Variants in TRPM8 observed in about 807,000 individuals in gnomAD.
The protein encoded by TRPM8 is transient receptor potential cation channel subfamily M member 8.
TRPM8 carries 110 observed loss-of-function variants against 133.7 expected under a neutral mutation model. The observed-to-expected ratio is 0.82, with a 90% CI of 0.70 to 0.96. The LOEUF is 0.96. TRPM8 is among the 40% of genes least tolerant of loss of function. The pLI, the probability that TRPM8 is intolerant of heterozygous loss-of-function variation, is 0.00. For missense variants in TRPM8, 1,291 were observed against 1,379.5 expected, an observed-to-expected ratio of 0.94 and a Z score of 1.02; for synonymous variants, 535 against 532.3, an observed-to-expected ratio of 1.01 and a Z score of -0.07.
intron 1 of TRPM8, among the ~76,000 whole-genome samples, chr2:233,918,432 T>A (rs1021680985): frequency 6.6e-6 from 1 of 152,122 alleles, no homozygotes; most frequent in South Asian, 2.1e-4. Flanking sequence ...CTGATATCAT[T>A]CTTGGCACCT....
At chr2:234,012,002 A>G (rs1346971628) in intron 24 of TRPM8, among the ~76,000 whole-genome samples, 1 of 151,590 alleles carries the variant, frequency 6.6e-6, no homozygotes, top group African/African-American at 2.4e-5. Flanking sequence ...TAAATTTGTA[A>G]GAATTTTATT....
At chr2:234,015,238 G>A (rs540918737) in intron 25 of TRPM8, among the ~76,000 whole-genome samples, 12 of 152,086 alleles carry the variant, frequency 7.9e-5, no homozygotes, top group Non-Finnish European at 1.2e-4. Flanking sequence ...TGGTCTTACT[G>A]TTTGCTTTTA....
At chr2:233,973,103 T>C (rs1210634338) in intron 17 of TRPM8, among the ~76,000 whole-genome samples, 1 of 152,224 alleles carries the variant, frequency 6.6e-6, no homozygotes, top group Admixed American at 6.5e-5. Flanking sequence ...CCAGCAATTC[T>C]TGCCCCAGGA....
chr2:233,998,402 CCATCTCGT>C (rs1692461706), intron 22 of TRPM8, among the ~76,000 whole-genome samples: 1 of 152,218 alleles, frequency 6.6e-6, no homozygotes, highest in African/African-American at 2.4e-5. Flanking sequence ...CCTAGGGTGA[CCATCTCGT>C]TGTAGTTTGC....
intron 24 of TRPM8, chr2:234,013,360 T>C (rs1161473076): frequency 6.6e-6 from 1 of 152,194 alleles, no homozygotes; most frequent in Non-Finnish European, 1.5e-5. Flanking sequence ...ATTCAGGTCT[T>C]TGTAAGTTGT....
chr2:233,978,309 A>G (rs1284658192), intron 17 of TRPM8, among the ~76,000 whole-genome samples: 1 of 151,810 alleles, frequency 6.6e-6, no homozygotes, highest in East Asian at 1.9e-4. Flanking sequence ...CTCTAAAGAC[A>G]AGGCCTCTCA....
At chr2:233,984,653 C>T (rs777425594) in intron 20 of TRPM8, among the ~76,000 whole-genome samples, 12 of 152,214 alleles carry the variant, frequency 7.9e-5, no homozygotes, top group Non-Finnish European at 1.3e-4. Flanking sequence ...GTCTTAGGCA[C>T]AACCTCCTCA....
Position 234,009,167 on chromosome 2 carries a change from T to C in TRPM8, c.3264+1064T>C, listed in dbSNP as rs537491703. Among the ~76,000 whole-genome samples the C allele has an allele frequency of 7.2e-5, 11 of 152,338 alleles. No homozygotes were observed. The South Asian group carries it at 1.2e-3, about 17-fold the overall frequency. On this transcript the variant is annotated intron_variant, in intron 24 of 25. Coordinates refer to ENST00000324695, the MANE Select transcript of TRPM8 (RefSeq NM_024080.5). ...AGAGGGACCTATCTGGAATCCTCCTTTCACAGTGCTCTCTGAGTGATCAGA... is the reference window on the plus strand; with the variant it reads ...AGAGGGACCTATCTGGAATCCTCCTCTCACAGTGCTCTCTGAGTGATCAGA...
rs571702442 is a variant in TRPM8 at position 233,999,934 on chromosome 2, G to C, written c.3130+3418G>C. Among the ~76,000 whole-genome samples, 5 of 152,214 alleles carry C rather than the reference G, an allele frequency of 3.3e-5. No homozygotes were observed. In the South Asian group the frequency reaches 1.0e-3, roughly 32 times the overall value. The stretch of plus-strand genomic sequence containing the variant: ...AGATCTTTAAGAAAGAGCCTCTTTA[G>C]CATACTCTGCACTTAGCTGATTTTC... On this transcript the variant is annotated intron_variant, in intron 22 of 25. Coordinates refer to ENST00000324695, the MANE Select transcript of TRPM8 (RefSeq NM_024080.5).
At chr2:233,926,490 A>G (rs753704163) in intron 1 of TRPM8, 43 bp from the exon 2 acceptor site, 1 of 1,441,516 alleles carries the variant, frequency 6.9e-7, no homozygotes, top group Non-Finnish European at 9.8e-7. Context: ...AAGCCCTGTT[A>G]CTGTTTGTAA....
chr2:233,937,342 G>C lies in TRPM8; in HGVS notation c.192-11G>C. On this transcript the variant is annotated splice_polypyrimidine_tract_variant and intron_variant, in intron 3 of 25. Coordinates refer to ENST00000324695, the MANE Select transcript of TRPM8 (RefSeq NM_024080.5). ...ATCCTTCCTTCCTGTCCACACCATC[G>C]TGCTTATCAGGGAGAATGTGTGCAA... The C allele has an allele frequency of 1.2e-6, 2 of 1,613,736 alleles. No homozygotes were observed. Among genetic ancestry groups the C allele is most frequent in the Non-Finnish European group, 1.7e-6 (2 of 1,179,948 alleles).
intron 11 of TRPM8, among the ~76,000 whole-genome samples, chr2:233,957,470 C>A (rs1219976982): frequency 1.3e-5 from 2 of 151,812 alleles, no homozygotes; most frequent in Admixed American, 1.3e-4. Context: ...GCCTGGACAA[C>A]AAAGCCAGAT....
chr2:233,954,976 T>C (rs559782929), intron 10 of TRPM8, 156 bp from the exon 11 acceptor site: 1 of 593,032 alleles, frequency 1.7e-6, no homozygotes, highest in East Asian at 2.9e-5. Context: ...TAAGAATGAG[T>C]GAAGATAGAG....
At chr2:233,928,808 G>A (rs931765355) in intron 2 of TRPM8, among the ~76,000 whole-genome samples, 29 of 152,122 alleles carry the variant, frequency 1.9e-4, no homozygotes, top group Admixed American at 9.2e-4. Context: ...TGGCCGCCCC[G>A]TTGGCTTTCC....
chr2:233,930,032 G>C (rs144272229), intron 2 of TRPM8, among the ~76,000 whole-genome samples: 1 of 152,144 alleles, frequency 6.6e-6, no homozygotes, highest in Non-Finnish European at 1.5e-5. Context: ...CTGATGTACA[G>C]TGCTTATATA....
chr2:233,947,345 G>A, intron 8 of TRPM8, 190 bp downstream of exon 8: 1 of 1,538,664 alleles, frequency 6.5e-7, no homozygotes, highest in Non-Finnish European at 8.8e-7. Flanking sequence ...TTTGGGAGGA[G>A]AATTTCAGTG....
At position 233,946,042 on chromosome 2, in the gene TRPM8, G is replaced by A; in HGVS notation, c.874+12G>A. On this transcript the variant is annotated intron_variant, in intron 7 of 25. Transcript: ENST00000324695. ...GCGCACTATTCAAGGTCAGTGGTTA[G>A]GAGGTAGGACACTAGAAGTGTACAA... The A allele has an allele frequency of 1.2e-6, 2 of 1,613,152 alleles. No individual in the cohort carries two copies. Among genetic ancestry groups the A allele is most frequent in the Non-Finnish European group, 8.5e-7 (1 of 1,179,368 alleles).
intron 22 of TRPM8, among the ~76,000 whole-genome samples, chr2:233,997,546 G>T (rs575745070): frequency 3.0e-4 from 45 of 152,146 alleles, no homozygotes; most frequent in Non-Finnish European, 5.9e-4. Flanking sequence ...GTGCCCTCTG[G>T]CCTGGCAGAT....
chr2:233,968,864 C>T (rs1453809920), intron 15 of TRPM8, among the ~76,000 whole-genome samples: 5 of 152,064 alleles, frequency 3.3e-5, no homozygotes, highest in Non-Finnish European at 7.4e-5. Flanking sequence ...TTGATACAGT[C>T]TGGGGAGAGC....
Sources: gnomAD v4.1 joint callset for allele counts (sites outside exome capture counted in the v4.1 genomes callset) on GRCh38, gnomAD v4.1.1 for gene constraint, MANE v1.5 for transcripts, NCBI Gene and HGNC (gene_info 2026-07-23, HGNC 2026-07-21) for gene names.